Variants in TCF12 observed in about 807,000 individuals in gnomAD.
The protein encoded by TCF12 is transcription factor 12.
Under a neutral mutation model 86.0 loss-of-function variants are expected in TCF12, and 45 were observed. The ratio of observed to expected loss-of-function variants is 0.52; its 90% CI spans 0.41 to 0.67. The LOEUF is 0.67. TCF12 is among the 30% of genes least tolerant of loss of function. The pLI, the probability that TCF12 is intolerant of heterozygous loss-of-function variation, is 0.00. For synonymous variants in TCF12, 330 were observed against 299.6 expected (o/e 1.10, Z -1.05); for missense variants, 881 against 859.9 (o/e 1.02, Z -0.31).
At chr15:57,278,234 A>G (rs764831102) in intron 19 of TCF12, among the ~76,000 whole-genome samples, 1 of 152,204 alleles carries the variant, frequency 6.6e-6, no homozygotes, top group Non-Finnish European at 1.5e-5. Context: ...AAAGGATTTA[A>G]CATAGAAAAA....
intron 3 of TCF12, among the ~76,000 whole-genome samples, chr15:57,063,117 A>T (rs1158793218): frequency 1.3e-5 from 2 of 152,230 alleles, no homozygotes; most frequent in Non-Finnish European, 2.9e-5. Flanking sequence ...TGCCACCTTC[A>T]TAAGAGTGGA....
chr15:57,046,535 C>T (rs2067244252), intron 3 of TCF12, among the ~76,000 whole-genome samples: 1 of 152,154 alleles, frequency 6.6e-6, no homozygotes, highest in Admixed American at 6.5e-5. Context: ...CTCTGCCTCC[C>T]AGGTTCAAGC....
Position 56,996,990 on chromosome 15 carries a change from A to G in TCF12, c.149-66760A>G, listed in dbSNP as rs566509771. ...CAAAATAACAGATGCTGGCAATGCT[A>G]TGGAAAAAAGGGAACACATAACACT... On this transcript the variant is annotated intron_variant, in intron 3 of 20. Coordinates refer to ENST00000333725, the MANE Select transcript of TCF12 (RefSeq NM_207037.2). Among the ~76,000 whole-genome samples the G allele has an allele frequency of 2.6e-5, 4 of 152,294 alleles. No individual in the cohort carries two copies. The South Asian group carries it at 6.2e-4, about 24-fold the overall frequency.
chr15:57,034,993 A>G (rs1308248203), intron 3 of TCF12, among the ~76,000 whole-genome samples: 1 of 152,154 alleles, frequency 6.6e-6, no homozygotes, highest in Non-Finnish European at 1.5e-5. Flanking sequence ...AACATAAAAT[A>G]TTTTCCTCAA....
chr15:57,233,101 T>A (rs1175271836), intron 11 of TCF12, among the ~76,000 whole-genome samples: 1 of 149,482 alleles, frequency 6.7e-6, no homozygotes, highest in Non-Finnish European at 1.5e-5. Context: ...TATATAGGTA[T>A]ATATGTATAT....
At chr15:57,242,917 CTGAGAA>C (rs1162900159) in intron 12 of TCF12, among the ~76,000 whole-genome samples, 1 of 152,128 alleles carries the variant, frequency 6.6e-6, no homozygotes, top group African/African-American at 2.4e-5. Flanking sequence ...AGAGTATCTT[CTGAGAA>C]TAAGTTTAAT....
At chr15:57,222,758 A>ATTTTTTTTTTTTT (rs57645813) in intron 8 of TCF12, among the ~76,000 whole-genome samples, 4 of 45,522 alleles carry the variant, frequency 8.8e-5, no homozygotes, top group Non-Finnish European at 7.2e-5. Context: ...AAGGACTGCC[A>ATTTTTTTTTTTTT]TTTTTTTTTT....
At chr15:57,221,518 T>A (rs2058596260) in intron 8 of TCF12, among the ~76,000 whole-genome samples, 1 of 151,814 alleles carries the variant, frequency 6.6e-6, no homozygotes, top group African/African-American at 2.4e-5. Flanking sequence ...CTGTATTACA[T>A]TTCTCTTTGT....
chr15:57,273,293 T>C, intron 19 of TCF12, 31 bp downstream of exon 19: 1 of 1,603,122 alleles, frequency 6.2e-7, no homozygotes, highest in South Asian at 1.1e-5. Flanking sequence ...TGTATAACTG[T>C]TCTGCTTCAG....
intron 5 of TCF12, among the ~76,000 whole-genome samples, chr15:57,121,931 A>G (rs551013793): frequency 2.7e-4 from 41 of 152,226 alleles, no homozygotes; most frequent in Non-Finnish European, 4.0e-4. Context: ...TCCTTGCCAT[A>G]TTTTTATGAT....
At chr15:57,190,581 C>G (rs2056927292) in intron 6 of TCF12, among the ~76,000 whole-genome samples, 1 of 152,124 alleles carries the variant, frequency 6.6e-6, no homozygotes, top group African/African-American at 2.4e-5. Flanking sequence ...TTCTTTCCCT[C>G]TCCTGTCTTT....
At chr15:57,028,402 A>C (rs1315135474) in intron 3 of TCF12, among the ~76,000 whole-genome samples, 2 of 152,074 alleles carry the variant, frequency 1.3e-5, no homozygotes, top group African/African-American at 2.4e-5. Flanking sequence ...CAGTCATTTT[A>C]AGTTTTGTTA....
intron 3 of TCF12, among the ~76,000 whole-genome samples, chr15:57,012,023 A>G (rs7168945): frequency 1.3e-5 from 2 of 151,976 alleles, no homozygotes; most frequent in Non-Finnish European, 2.9e-5. Context: ...TGAATCATTT[A>G]TAAGTGTTTG....
chr15:56,996,441 A>T (rs552923251), intron 3 of TCF12, among the ~76,000 whole-genome samples: 1 of 152,198 alleles, frequency 6.6e-6, no homozygotes, highest in Admixed American at 6.5e-5. Flanking sequence ...CTGGCTATCC[A>T]TATGTAGAAG....
chr15:56,965,855 T>G (rs2061978829), intron 3 of TCF12, among the ~76,000 whole-genome samples: 1 of 152,222 alleles, frequency 6.6e-6, no homozygotes, highest in Non-Finnish European at 1.5e-5. Flanking sequence ...ATACAATTAG[T>G]CACTGGCTCT....
At chr15:57,165,952 C>T (rs2054861145) in intron 5 of TCF12, among the ~76,000 whole-genome samples, 1 of 152,092 alleles carries the variant, frequency 6.6e-6, no homozygotes, top group Non-Finnish European at 1.5e-5. Flanking sequence ...ATATAAATGT[C>T]TTTCATTCTT....
At chr15:56,929,668 G>A (rs2060162904) in intron 3 of TCF12, among the ~76,000 whole-genome samples, 1 of 152,116 alleles carries the variant, frequency 6.6e-6, no homozygotes, top group Non-Finnish European at 1.5e-5. Context: ...TTATTGCAGT[G>A]GGTGGTGACT....
intron 8 of TCF12, among the ~76,000 whole-genome samples, chr15:57,228,446 T>A (rs183484756): frequency 6.6e-6 from 1 of 152,134 alleles, no homozygotes; most frequent in Admixed American, 6.5e-5. Context: ...ATTTATAAGG[T>A]CTGTCCTTTA....
chr15:57,123,917 C>G lies in TCF12; in HGVS notation c.325+32026C>G, dbSNP rs1372563810. ...CCCGGGAGTCAGAGCTTGCAGTTAG[C>G]CGAGATGCGCCACTGCACTCCAGCC... On this transcript the variant is annotated intron_variant, in intron 5 of 20. Coordinates refer to ENST00000333725, the MANE Select transcript of TCF12 (RefSeq NM_207037.2). 5.4e-5 allele frequency among the ~76,000 whole-genome samples: 8 copies of G among 148,470 alleles called. No homozygotes were observed. The Admixed American group carries it at 5.5e-4, about 10-fold the overall frequency.
Sources: gnomAD v4.1 joint callset for allele counts (sites outside exome capture counted in the v4.1 genomes callset) on GRCh38, gnomAD v4.1.1 for gene constraint, MANE v1.5 for transcripts, NCBI Gene and HGNC (gene_info 2026-07-23, HGNC 2026-07-21) for gene names.